The following WTAP variants were observed in gnomAD, a reference collection of about 807,000 sequenced individuals.
The protein encoded by WTAP is WT1 associated protein.
A neutral mutation model predicts 50.0 loss-of-function variants in WTAP; 8 were observed. The ratio of observed to expected loss-of-function variants is 0.16; its 90% CI spans 0.09 to 0.29. The LOEUF is 0.29. WTAP is among the 10% of genes least tolerant of loss of function. WTAP has a pLI of 1.00. For synonymous variants in WTAP, 194 were observed against 169.0 expected, an observed-to-expected ratio of 1.15 and a Z score of -1.15; for missense variants, 295 against 470.7, an observed-to-expected ratio of 0.63 and a Z score of 3.45.
intron 5 of WTAP, among the ~76,000 whole-genome samples, chr6:159,746,877 T>C (rs956883456): frequency 6.6e-6 from 1 of 152,202 alleles, no homozygotes; most frequent in Non-Finnish European, 1.5e-5. Flanking sequence ...GTGTTGACTA[T>C]TGGGTCTTTG....
chr6:159,734,873 G>A (rs919502252), intron 1 of WTAP, among the ~76,000 whole-genome samples: 3 of 151,872 alleles, frequency 2.0e-5, no homozygotes, highest in Non-Finnish European at 1.5e-5. Flanking sequence ...GTATTTTAAT[G>A]TGGTGTTTAT....
In WTAP at chr6:159,739,824, C is replaced by CTTTT. The variant is rs56389349; in HGVS notation, c.86+809_86+812dup. 6.9e-4 allele frequency among the ~76,000 whole-genome samples: 59 copies of CTTTT among 85,184 alleles called. 1 individual carries two copies. Among genetic ancestry groups the CTTTT allele is most frequent in the Non-Finnish European group, 1.1e-3 (52 of 45,962 alleles). The allele number at this position is 85,184 out of a possible 152,430, so 55.9% of individuals were successfully genotyped here. ...ACTGTATTATGAACACACTTTTTAC[C>CTTTT]TTTTTTTTTTTTTTTTTTTTTTTTT... On this transcript the variant is annotated intron_variant, in intron 3 of 7. Coordinates refer to ENST00000621533, the MANE Select transcript of WTAP (RefSeq NM_001270531.2).
chr6:159,755,301 G>C lies in WTAP; in HGVS notation c.881G>C (p.Arg294Thr). The C allele has an allele frequency of 6.2e-7, 1 of 1,614,250 alleles. No individual in the cohort carries two copies. The highest frequency in any genetic ancestry group is 1.1e-5 in the South Asian group (1 of 91,086). Reference protein sequence around the residue: ...RQRTSGSGFHREGNTTEDDFP... With the variant: ...RQRTSGSGFHTEGNTTEDDFP... The stretch of plus-strand genomic sequence containing the variant: ...AGGACGTCTGGGTCTGGATTTCACA[G>C]GGAGGGCAACACAACCGAAGATGAC... Residue 294 changes from arginine (R) to threonine (T), a missense_variant, in exon 8 of 8, where the codon AGG becomes ACG. Physicochemically the swap from Arg to Thr is moderately conservative, Grantham distance 71 (BLOSUM62 -1). This residue lies in a region of WTAP where 175 missense variants were observed against 183.1 expected (regional missense o/e 0.96). Transcript: ENST00000621533.
rs763105925 is a variant in WTAP, at chr6:159,755,636, A to G, written c.*25A>G. On this transcript the variant is annotated 3_prime_UTR_variant, in exon 8 of 8. Coordinates refer to ENST00000621533, the MANE Select transcript of WTAP (RefSeq NM_001270531.2). ...ATATTTTTTCAGCAAATTTTTATAC[A>G]GTGTCATTTAATTTGGGAGAGGATA... The G allele has an allele frequency of 6.5e-7, 1 of 1,549,040 alleles. No homozygotes were observed. Among genetic ancestry groups the G allele is most frequent in the South Asian group, 1.2e-5 (1 of 80,820 alleles).
rs140802539 is a variant in WTAP at position 159,735,543 on chromosome 6, G to A, written c.-8-715G>A. On this transcript the variant is annotated intron_variant, in intron 1 of 7. Transcript: ENST00000621533. ...AGGCGGACGGGTTGCAATGTCAGGA[G>A]TTCGAGACCAGCCTGACCAACACGG... is the stretch of plus-strand genomic sequence containing the variant. Among the ~76,000 whole-genome samples the A allele has an allele frequency of 6.0e-3, 909 of 152,302 alleles. 9 individuals carry two copies. The highest frequency in any genetic ancestry group is 0.021 in the African/African-American group (880 of 41,568).
intron 6 of WTAP, among the ~76,000 whole-genome samples, chr6:159,750,543 T>C (rs1332401103): frequency 1.3e-5 from 2 of 152,214 alleles, no homozygotes; most frequent in Admixed American, 6.5e-5. Context: ...TCAAGATAAT[T>C]TCTATGCATA....
chr6:159,731,621 C>G (rs1186415868), intron 1 of WTAP, among the ~76,000 whole-genome samples: 19 of 152,170 alleles, frequency 1.2e-4, no homozygotes, highest in Non-Finnish European at 2.9e-5. Flanking sequence ...TCAGGTTTTT[C>G]AAGAAACACT....
intron 3 of WTAP, among the ~76,000 whole-genome samples, chr6:159,740,900 C>T (rs1195811410): frequency 3.3e-5 from 5 of 151,936 alleles, no homozygotes; most frequent in African/African-American, 9.7e-5. Context: ...GACGGGATTT[C>T]ACTGTGTTGG....
intron 1 of WTAP, among the ~76,000 whole-genome samples, chr6:159,736,032 G>A (rs180929656): frequency 4.6e-4 from 70 of 152,182 alleles, no homozygotes; most frequent in African/African-American, 1.4e-3. Flanking sequence ...AATGATGGAA[G>A]ATGTTAACAA....
chr6:159,744,938 C>G (rs1196386792), intron 5 of WTAP, among the ~76,000 whole-genome samples: 1 of 152,178 alleles, frequency 6.6e-6, no homozygotes, highest in African/African-American at 2.4e-5. Context: ...CCTTGGCCTC[C>G]CAAAACTGTT....
intron 4 of WTAP, 28 bp from the exon 5 acceptor site, chr6:159,743,637 T>G (rs1583091432): frequency 6.4e-7 from 1 of 1,570,298 alleles, no homozygotes. Flanking sequence ...CTTAAAATTG[T>G]ATTTATAATT....
At chr6:159,744,330 C>G (rs1379565464) in intron 5 of WTAP, among the ~76,000 whole-genome samples, 1 of 152,164 alleles carries the variant, frequency 6.6e-6, no homozygotes, top group South Asian at 2.1e-4. Flanking sequence ...AGTTTAGGCT[C>G]AATCTTACGG....
upstream of WTAP, chr6:159,727,344 C>G (rs573702822): frequency 1.1e-5 from 14 of 1,219,300 alleles, no homozygotes; most frequent in African/African-American, 1.9e-4. Context: ...GTGAGTGGGC[C>G]AGAAGGCGAA....
At chr6:159,735,611 T>C (rs1407813206) in intron 1 of WTAP, among the ~76,000 whole-genome samples, 1 of 152,038 alleles carries the variant, frequency 6.6e-6, no homozygotes, top group Non-Finnish European at 1.5e-5. Flanking sequence ...GAGCCAGGTG[T>C]GGTGGCACGC....
intron 6 of WTAP, among the ~76,000 whole-genome samples, chr6:159,751,326 A>G (rs182789903): frequency 5.9e-5 from 9 of 152,368 alleles, no homozygotes; most frequent in African/African-American, 2.2e-4. Context: ...GTCAGGTCAC[A>G]GATTAATGTA....
intron 1 of WTAP, among the ~76,000 whole-genome samples, chr6:159,735,892 C>T (rs1477545834): frequency 6.6e-6 from 1 of 152,084 alleles, no homozygotes; most frequent in Non-Finnish European, 1.5e-5. Flanking sequence ...TTTATAGTCC[C>T]TTAGCAACAT....
upstream of WTAP, chr6:159,726,951 G>A (rs776553802): frequency 2.3e-6 from 3 of 1,287,642 alleles, no homozygotes; most frequent in African/African-American, 1.5e-5. Context: ...CATCACGGAT[G>A]AGCGTCACGA....
chr6:159,747,610 G>T (rs530374351), intron 5 of WTAP, among the ~76,000 whole-genome samples: 16 of 152,280 alleles, frequency 1.1e-4, no homozygotes, highest in African/African-American at 3.9e-4. Context: ...TGTATTTTAA[G>T]TTATAATCTT....
At chr6:159,736,358 A>G (rs554606642) in intron 2 of WTAP, 63 bp downstream of exon 2, 1 of 1,305,292 alleles carries the variant, frequency 7.7e-7, no homozygotes, top group South Asian at 1.3e-5. Context: ...TTTTTTAAGC[A>G]CTTTAAAAAA....
Sources: allele counts gnomAD v4.1 joint callset (sites outside exome capture counted in the v4.1 genomes callset), GRCh38; gene constraint gnomAD v4.1.1; regional missense constraint gnomAD v4.1.1; transcripts MANE v1.5; gene names NCBI Gene and HGNC (gene_info 2026-07-23, HGNC 2026-07-21).